PTCH1: variants seen among roughly 807,000 people sequenced by gnomAD.
PTCH1 encodes the protein patched 1, also known as protein patched homolog 1.
In PTCH1, 14 loss-of-function variants were observed where a neutral mutation model predicts 144.6. The observed-to-expected ratio is 0.10, with a 90% CI of 0.06 to 0.15. The LOEUF is 0.15. Among genes scored for constraint, PTCH1 ranks in the 10% least tolerant of loss-of-function variants. The pLI is 1.00. For synonymous variants in PTCH1, 833 were observed against 793.6 expected, an observed-to-expected ratio of 1.05 and a Z score of -0.83; for missense variants, 1,623 against 1,948.3, an observed-to-expected ratio of 0.83 and a Z score of 3.14.
chr9:95,497,662 T>C (rs1842877863), intron 2 of PTCH1, among the ~76,000 whole-genome samples: 1 of 152,186 alleles, frequency 6.6e-6, no homozygotes, highest in Non-Finnish European at 1.5e-5. Context: ...ACAAGAGCGC[T>C]CTTCCTGTCT....
At chr9:95,516,486 C>T (rs1202938863) in exon 1 of PTCH1, 7 of 1,533,888 alleles carry the variant, frequency 4.6e-6, no homozygotes, top group South Asian at 2.4e-5. Flanking sequence ...GGCCGTCAAC[C>T]CCTGCTCGGA....
rs375219129 is a variant in PTCH1 at position 95,460,391 on chromosome 9, A to G, written c.2704-608T>C. 2.4e-3 allele frequency among the ~76,000 whole-genome samples: 365 copies of G among 152,262 alleles called. 3 individuals carry two copies. Among genetic ancestry groups the G allele is most frequent in the South Asian group, 0.023 (112 of 4,820 alleles). On this transcript the variant is annotated intron_variant, in intron 16 of 23. Coordinates refer to ENST00000331920, the MANE Select transcript of PTCH1 (RefSeq NM_000264.5). ...GCACGCCGCGTCCTCTGCGTGGCCA[A>G]ATGTGCTCCCTCGGCAGGAGGGCTT...
In PTCH1 at chr9:95,481,935, G is replaced by C. The variant is rs1170928829; in HGVS notation, c.746+14C>G. 6.3e-7 allele frequency: 1 copy of C among 1,590,552 alleles called. No individual in the cohort carries two copies. ...AGAAGTCACAGACATCAGAAAGCATGATCACACACTTACAGGAGGTATGCT... is the reference window on the plus strand; with the variant it reads ...AGAAGTCACAGACATCAGAAAGCATCATCACACACTTACAGGAGGTATGCT... On this transcript the variant is annotated intron_variant, in intron 5 of 23. Transcript: ENST00000331920.
At chr9:95,456,150 C>T in intron 19 of PTCH1, 126 bp downstream of exon 19, 3 of 1,428,808 alleles carry the variant, frequency 2.1e-6, no homozygotes, top group Non-Finnish European at 2.9e-6. Context: ...CTAGGGGGCC[C>T]CTGTGCCCTG....
chr9:95,463,577 T>C (rs1042109735), intron 15 of PTCH1, among the ~76,000 whole-genome samples: 1 of 152,220 alleles, frequency 6.6e-6, no homozygotes, highest in African/African-American at 2.4e-5. Context: ...TCTGTTTTCC[T>C]CGCTGTAACA....
intron 2 of PTCH1, among the ~76,000 whole-genome samples, chr9:95,490,994 A>G (rs1842364332): frequency 1.3e-5 from 2 of 152,212 alleles, no homozygotes; most frequent in South Asian, 2.1e-4. Context: ...ACAAATATAT[A>G]CAGTATTATG....
rs2118905971 is a variant in PTCH1, at chr9:95,508,148, G to A, written c.201+13C>T. 8 of 1,612,168 alleles carry A rather than the reference G, an allele frequency of 5.0e-6. No individual in the cohort carries two copies. Among genetic ancestry groups the A allele is most frequent in the Middle Eastern group, 1.7e-4 (1 of 6,046 alleles). On this transcript the variant is annotated intron_variant, in intron 1 of 23. Transcript: ENST00000331920. Reference sequence around the variant, plus strand: ...AGGGAAGAGAAAGTGGGAGGAGAGAGTCTGAAATGCACCTTGGAAATCTGC... The same window carrying A: ...AGGGAAGAGAAAGTGGGAGGAGAGAATCTGAAATGCACCTTGGAAATCTGC...
In PTCH1 at chr9:95,446,936, CCT is replaced by C. The variant is rs780722472; in HGVS notation, c.4318_4319del (p.Arg1440AlafsTer14). 1 of 1,614,142 alleles carries C rather than the reference CCT, an allele frequency of 6.2e-7. No individual in the cohort carries two copies. Among genetic ancestry groups the C allele is most frequent in the Admixed American group, 1.7e-5 (1 of 60,030 alleles). On this transcript the variant is annotated frameshift_variant, in exon 23 of 24. Coordinates refer to ENST00000331920, the MANE Select transcript of PTCH1 (RefSeq NM_000264.5). LOFTEE classifies it high-confidence loss of function. ...CTCAGTTGGAGCTGCTTCCCCGGGG[CCT>C]CTCCTCGCATTCCACGTCCTGCAGC... is the stretch of plus-strand genomic sequence containing the variant. ...IELQDVECEE[R>X]PRGSSSN
Position 95,481,969 on chromosome 9 carries a change from C to T in PTCH1, c.726G>A (p.Gln242=). ...LDCFWEGAKL[Q]SGTAYLLGKP... ...CTTACAGGAGGTATGCTGTCCCAGA[C>T]TGTAATTTCGCCCCTTCCCAGAAGC... is the stretch of plus-strand genomic sequence containing the variant. Residue 242 remains glutamine (Q), a synonymous_variant, in exon 5 of 24, where the codon CAG becomes CAA. Transcript: ENST00000331920. 1 of 1,613,082 alleles carries T rather than the reference C, an allele frequency of 6.2e-7. No homozygotes were observed. Among genetic ancestry groups the T allele is most frequent in the Admixed American group, 1.7e-5 (1 of 60,024 alleles).
Position 95,485,842 on chromosome 9 carries a change from TA to T in PTCH1, c.426del (p.Tyr142Ter). 6.2e-7 allele frequency: 1 copy of T among 1,614,194 alleles called. No homozygotes were observed. The highest frequency in any genetic ancestry group is 8.5e-7 in the Non-Finnish European group (1 of 1,180,044). Reference protein sequence around the residue: ...VGGRVSRELNYTRQKIGEEAM... With the variant: ...VGGRVSRELNXTRQKIGEEAM... Reference sequence around the variant, plus strand: ...GCCTCTTCTCCAATCTTCTGGCGAGTATAATTTAATTCACGACTTACTCGTC... The same window carrying T: ...GCCTCTTCTCCAATCTTCTGGCGAGTTAATTTAATTCACGACTTACTCGTC... On this transcript the variant is annotated frameshift_variant, in exon 3 of 24. Coordinates refer to ENST00000331920, the MANE Select transcript of PTCH1 (RefSeq NM_000264.5). LOFTEE classifies it high-confidence loss of function.
Position 95,469,771 on chromosome 9 carries a change from T to C in PTCH1, c.1847+42A>G, listed in dbSNP as rs775991123. 5 of 1,531,730 alleles carry C rather than the reference T, an allele frequency of 3.3e-6. No homozygotes were observed. In the African/African-American group the frequency reaches 4.1e-5, roughly 13 times the overall value. The allele number at this position is 1,531,730 out of a possible 1,614,324, so 94.9% of individuals were successfully genotyped here. ...CTGAAAGAGTTCTCTCACAGCACCA[T>C]TCTGCACCCAATCAAAAGGCCACAG... On this transcript the variant is annotated intron_variant, in intron 13 of 23. Coordinates refer to ENST00000331920, the MANE Select transcript of PTCH1 (RefSeq NM_000264.5).
intron 1 of PTCH1, 82 bp from the exon 2 acceptor site, chr9:95,506,681 G>A (rs958190636): frequency 5.2e-6 from 6 of 1,151,722 alleles, no homozygotes; most frequent in Non-Finnish European, 5.8e-6. Flanking sequence ...CACCCGCCCG[G>A]TGAGCCCCCA....
In PTCH1 at chr9:95,476,658, A is replaced by G; in HGVS notation, c.1602+101T>C. The G allele has an allele frequency of 8.5e-7, 1 of 1,172,510 alleles. No homozygotes were observed. The highest frequency in any genetic ancestry group is 1.5e-5 in the African/African-American group (1 of 65,532). 72.6% of individuals were successfully genotyped at this position (1,172,510 alleles called of 1,614,324 possible). ...GACACATCATCTGACATGGGACTGA[A>G]ATCTTTACTGGGTCAGACTGAGGAA... is the stretch of plus-strand genomic sequence containing the variant. On this transcript the variant is annotated intron_variant, in intron 11 of 23. Coordinates refer to ENST00000331920, the MANE Select transcript of PTCH1 (RefSeq NM_000264.5). The surrounding 1 kb of genome is among the most constrained non-coding windows in gnomAD (Gnocchi z 4.6).
chr9:95,487,002 C>T (rs1367093504), intron 2 of PTCH1, among the ~76,000 whole-genome samples: 1 of 152,216 alleles, frequency 6.6e-6, no homozygotes, highest in Non-Finnish European at 1.5e-5. Flanking sequence ...GTGATCATAG[C>T]TTTCCCACGA....
chr9:95,472,407 G>A (rs1840665422), intron 12 of PTCH1, among the ~76,000 whole-genome samples: 1 of 152,180 alleles, frequency 6.6e-6, no homozygotes, highest in Non-Finnish European at 1.5e-5. Flanking sequence ...GGACGTCTGT[G>A]GACGGGGTTA....
Position 95,446,379 on chromosome 9 carries a change from G to A in PTCH1, c.*14C>T, listed in dbSNP as rs887186193. 9.6e-6 allele frequency: 5 copies of A among 518,668 alleles called. No individual in the cohort carries two copies. The highest frequency in any genetic ancestry group is 9.6e-5 in the African/African-American group (5 of 51,954). 32.1% of individuals were successfully genotyped at this position (518,668 alleles called of 1,614,324 possible). A position where few individuals can be genotyped will look rare whatever the true frequency, so the allele number is the denominator to read the frequency against. Reference sequence around the variant, plus strand: ...TCCAATCTTTGGCCTCTTTGCTTCAGATTTTAATCACCCTTTAAAAGGAAG... The same window carrying A: ...TCCAATCTTTGGCCTCTTTGCTTCAAATTTTAATCACCCTTTAAAAGGAAG... On this transcript the variant is annotated 3_prime_UTR_variant, in exon 24 of 24. Coordinates refer to ENST00000331920, the MANE Select transcript of PTCH1 (RefSeq NM_000264.5).
At chr9:95,514,322 G>A (rs1294640221) in intron 1 of PTCH1, 1 of 151,994 alleles carries the variant, frequency 6.6e-6, no homozygotes, top group Admixed American at 6.6e-5. Context: ...CCCTCTCCTC[G>A]CCTCTCCCTG....
At chr9:95,516,385 G>A (rs1844364024) in intron 1 of PTCH1, 2 of 1,110,286 alleles carry the variant, frequency 1.8e-6, no homozygotes, top group Admixed American at 4.5e-5. Flanking sequence ...GGGGCGTCCC[G>A]CGTCCCCGTG....
rs571420165 is a variant in PTCH1 at position 95,449,299 on chromosome 9, G to A, written c.3574C>T (p.Arg1192Cys). The change falls in exon 22 of 24, where the codon CGC becomes TGC. Residue 1192 changes from arginine (R) to cysteine (C), a missense_variant. This residue lies in a region of PTCH1 where 504 missense variants were observed against 679.3 expected (regional missense o/e 0.74). Transcript: ENST00000331920. The surrounding 1 kb of genome is among the most constrained non-coding windows in gnomAD (Gnocchi z 5.3). ...PEVSPANGLNRLPTPSPEPPP... is the reference protein window; with the variant it reads ...PEVSPANGLNCLPTPSPEPPP... Reference sequence around the variant, plus strand: ...GGCTCAGGGGAGGGTGTGGGCAGGCGGTTCAAGCCGTTGGCTGGAGACACC... The same window carrying A: ...GGCTCAGGGGAGGGTGTGGGCAGGCAGTTCAAGCCGTTGGCTGGAGACACC... The A allele has an allele frequency of 3.9e-6, 6 of 1,554,778 alleles. No homozygotes were observed. Among genetic ancestry groups the A allele is most frequent in the African/African-American group, 1.4e-5 (1 of 73,758 alleles).
Sources: allele counts gnomAD v4.1 joint callset (sites outside exome capture counted in the v4.1 genomes callset), GRCh38; gene constraint gnomAD v4.1.1; regional missense constraint gnomAD v4.1.1; non-coding constraint Gnocchi (gnomAD v3.1); transcripts MANE v1.5; gene names NCBI Gene and HGNC (gene_info 2026-07-23, HGNC 2026-07-21).